Variants in RELCH observed in about 807,000 individuals in gnomAD.
The protein encoded by RELCH is RAB11-binding protein RELCH.
Under a neutral mutation model 150.3 loss-of-function variants are expected in RELCH, and 41 were observed. The ratio of observed to expected loss-of-function variants is 0.27; its 90% CI spans 0.21 to 0.35. RELCH has a LOEUF of 0.35. RELCH is among the 10% of genes least tolerant of loss of function. RELCH has a pLI of 1.00. For missense variants in RELCH, 1,092 were observed against 1,467.8 expected (o/e 0.74, Z 4.18); for synonymous variants, 478 against 531.8 (o/e 0.90, Z 1.39).
At position 62,187,693 on chromosome 18, in the gene RELCH, T is replaced by C; in HGVS notation, c.188T>C (p.Leu63Ser). 3 of 1,591,996 alleles carry C rather than the reference T, an allele frequency of 1.9e-6. No homozygotes were observed. The highest frequency in any genetic ancestry group is 1.7e-6 in the Non-Finnish European group (2 of 1,165,800). Residue 63 changes from leucine to serine, a missense_variant, in exon 1 of 29, where the codon TTA (leucine) becomes TCA (serine). Leu to Ser is a moderately radical substitution (Grantham distance 145). Transcript: ENST00000644646. ...GSLSPQDPVA[L>S]GSSARPGLPG... ...CTGTCGCCACAGGATCCCGTGGCCT[T>C]AGGAAGCAGTGCGCGGCCAGGGCTC...
At chr18:62,301,340 G>A (rs1043952761) in intron 28 of RELCH, among the ~76,000 whole-genome samples, 2 of 152,158 alleles carry the variant, frequency 1.3e-5, no homozygotes, top group African/African-American at 4.8e-5. Flanking sequence ...GCCAGGTGGT[G>A]GCAAACTTTT....
At chr18:62,280,501 T>C (rs988805063) in intron 23 of RELCH, 145 bp from the exon 24 acceptor site, 1 of 1,504,816 alleles carries the variant, frequency 6.6e-7, no homozygotes, top group Admixed American at 1.7e-5. Context: ...GCATTCTTCT[T>C]GGTCTGCTTT....
intron 26 of RELCH, among the ~76,000 whole-genome samples, chr18:62,288,883 C>T (rs552443250): frequency 1.3e-5 from 2 of 152,014 alleles, no homozygotes; most frequent in Non-Finnish European, 2.9e-5. Context: ...AGTGGTGCAT[C>T]GCAGAGTTTG....
intron 15 of RELCH, among the ~76,000 whole-genome samples, chr18:62,260,258 A>G (rs1171286068): frequency 6.6e-6 from 1 of 151,236 alleles, no homozygotes; most frequent in African/African-American, 2.4e-5. Flanking sequence ...AAAAGAAGAC[A>G]TATGGCCAAA....
chr18:62,266,749 G>C lies in RELCH; in HGVS notation c.2680G>C (p.Asp894His). ...TTTAAGACTATCTGAAGAAAACATT[G>C]GTGAGTTTGTTCATTATTACTTTTA... ...EILRLSEENI[D>H]SSAGNGVLTK... Residue 894 changes from aspartate (D) to histidine (H), a missense_variant and splice_region_variant, in exon 19 of 29, where the codon GAT (aspartate) becomes CAT (histidine). Coordinates refer to ENST00000644646, the MANE Select transcript of RELCH (RefSeq NM_001346231.2). 1 of 1,576,420 alleles carries C rather than the reference G, an allele frequency of 6.3e-7. No homozygotes were observed. The highest frequency in any genetic ancestry group is 8.7e-7 in the Non-Finnish European group (1 of 1,149,798).
intron 2 of RELCH, among the ~76,000 whole-genome samples, chr18:62,213,460 G>A (rs2148325977): frequency 6.6e-6 from 1 of 152,286 alleles, no homozygotes; most frequent in East Asian, 1.9e-4. Flanking sequence ...GCCGGGCGCT[G>A]TGGCTCACGC....
intron 11 of RELCH, among the ~76,000 whole-genome samples, chr18:62,247,571 T>C (rs572689143): frequency 6.6e-6 from 1 of 150,662 alleles, no homozygotes; most frequent in African/African-American, 2.4e-5. Flanking sequence ...TGAGACAGGG[T>C]CTCACTCTGT....
intron 20 of RELCH, chr18:62,269,355 C>T (rs975698570): frequency 4.9e-6 from 2 of 408,526 alleles, no homozygotes; most frequent in Non-Finnish European, 9.6e-6. Context: ...TTGAGTATCC[C>T]TTATCTCAAA....
chr18:62,188,173 C>T lies in RELCH; in HGVS notation c.526+142C>T, dbSNP rs945272277. ...GTATTGGGGTGGGGGCGCTCTTTTG[C>T]GGTGGAAGCAAGAGGATCAGGCAAT... On this transcript the variant is annotated intron_variant, in intron 1 of 28. Transcript: ENST00000644646. 13 of 992,726 alleles carry T rather than the reference C, an allele frequency of 1.3e-5. No individual in the cohort carries two copies. The African/African-American group carries it at 1.5e-4, about 11-fold the overall frequency. The allele number at this position is 992,726 out of a possible 1,614,324, so 61.5% of individuals were successfully genotyped here. A position where few individuals can be genotyped will look rare whatever the true frequency, so the allele number is the denominator to read the frequency against.
chr18:62,279,518 C>G (rs2044391433), intron 22 of RELCH, among the ~76,000 whole-genome samples: 1 of 152,098 alleles, frequency 6.6e-6, no homozygotes, highest in South Asian at 2.1e-4. Context: ...ACTCTTTGAC[C>G]AAAAGTACAA....
At chr18:62,247,103 CAG>C (rs2042455264) in intron 11 of RELCH, 1 of 152,182 alleles carries the variant, frequency 6.6e-6, no homozygotes, top group Admixed American at 6.5e-5. Context: ...TGAGATATCT[CAG>C]GGAGTGAAGC....
At chr18:62,265,980 T>C (rs2043540000) in intron 18 of RELCH, among the ~76,000 whole-genome samples, 1 of 151,970 alleles carries the variant, frequency 6.6e-6, no homozygotes, top group Non-Finnish European at 1.5e-5. Flanking sequence ...ACAAATATAA[T>C]TTGATTTTCC....
At chr18:62,282,252 C>T in intron 24 of RELCH, 54 bp from the exon 25 acceptor site, 1 of 1,487,246 alleles carries the variant, frequency 6.7e-7, no homozygotes, top group Non-Finnish European at 9.4e-7. Context: ...ACTTTAACAA[C>T]ACTACTCAGT....
chr18:62,279,601 C>CA (rs1208075263), intron 22 of RELCH, among the ~76,000 whole-genome samples, 173 bp from the exon 23 acceptor site: 1 of 152,222 alleles, frequency 6.6e-6, no homozygotes, highest in Non-Finnish European at 1.5e-5. Flanking sequence ...TCCTCCTAAG[C>CA]ATTCTCTGCC....
chr18:62,264,899 A>T (rs984047265), intron 18 of RELCH, 47 bp downstream of exon 18: 3 of 1,475,252 alleles, frequency 2.0e-6, no homozygotes, highest in Non-Finnish European at 2.8e-6. Context: ...AGACATAGAA[A>T]TGTAATGTGT....
At chr18:62,232,042 A>G (rs1006430270) in intron 9 of RELCH, among the ~76,000 whole-genome samples, 6 of 151,968 alleles carry the variant, frequency 3.9e-5, no homozygotes, top group African/African-American at 1.2e-4. Flanking sequence ...TATTACCCCT[A>G]CTTGTTCCCA....
intron 11 of RELCH, among the ~76,000 whole-genome samples, chr18:62,251,927 T>C (rs752494203): frequency 6.6e-6 from 1 of 152,048 alleles, no homozygotes; most frequent in African/African-American, 2.4e-5. Context: ...ACTGCTGGAG[T>C]GGCTAATCTT....
At chr18:62,281,239 T>G (rs1233415884) in intron 24 of RELCH, among the ~76,000 whole-genome samples, 1 of 152,240 alleles carries the variant, frequency 6.6e-6, no homozygotes, top group African/African-American at 2.4e-5. Flanking sequence ...GGTAGGCTTC[T>G]GGCCAATCTA....
chr18:62,228,021 G>A (rs778200022), intron 7 of RELCH, among the ~76,000 whole-genome samples: 47 of 152,122 alleles, frequency 3.1e-4, no homozygotes, highest in Middle Eastern at 3.4e-3. Flanking sequence ...CTGTGGGTTT[G>A]AGGAAGTTAT....
Sources: gnomAD v4.1 joint callset for allele counts (sites outside exome capture counted in the v4.1 genomes callset) on GRCh38, gnomAD v4.1.1 for gene constraint, MANE v1.5 for transcripts, NCBI Gene and HGNC (gene_info 2026-07-23, HGNC 2026-07-21) for gene names.